RMDN2: variants seen among roughly 807,000 people sequenced by gnomAD.
RMDN2 encodes regulator of microtubule dynamics 2, also known as regulator of microtubule dynamics protein 2.
In RMDN2, 61 loss-of-function variants were observed where a neutral mutation model predicts 52.8. That is an observed-to-expected ratio of 1.16 (90% CI 0.94 to 1.43). RMDN2 has a LOEUF of 1.43. RMDN2 is among the 40% of genes most tolerant of loss of function. RMDN2 has a pLI of 0.00. For synonymous variants in RMDN2, 180 were observed against 153.1 expected (o/e 1.18, Z -1.30); for missense variants, 592 against 475.3 (o/e 1.25, Z -2.28).
At chr2:38,008,656 A>T (rs1677472186) in intron 10 of RMDN2, among the ~76,000 whole-genome samples, 1 of 152,126 alleles carries the variant, frequency 6.6e-6, no homozygotes, top group African/African-American at 2.4e-5. Flanking sequence ...TTGACTCTTT[A>T]TCCAATTGGC....
At chr2:37,937,412 GC>G (rs1207970814) in intron 2 of RMDN2, among the ~76,000 whole-genome samples, 6 of 152,104 alleles carry the variant, frequency 3.9e-5, no homozygotes, top group Admixed American at 6.5e-5. Context: ...ATTTAAAGTA[GC>G]TTTTTTCTAA....
chr2:38,003,604 G>GATAGATAGATAGGCAGACAGA (rs1306774545), intron 8 of RMDN2, among the ~76,000 whole-genome samples: 99 of 103,222 alleles, frequency 9.6e-4, no homozygotes, highest in Non-Finnish European at 1.3e-3. Context: ...AGATAGATAG[G>GATAGATAGATAGGCAGACAGA]CAGACAGACA....
chr2:38,029,315 A>C (rs1039709524), intron 10 of RMDN2: 2 of 151,950 alleles, frequency 1.3e-5, no homozygotes, highest in African/African-American at 4.8e-5. Flanking sequence ...CCCCATGCCC[A>C]CTCATGGAAA....
intron 8 of RMDN2, among the ~76,000 whole-genome samples, chr2:37,999,183 A>G (rs1333304328): frequency 6.6e-6 from 1 of 152,210 alleles, no homozygotes; most frequent in Non-Finnish European, 1.5e-5. Flanking sequence ...AATAATGCTG[A>G]GGTAAAGAAT....
chr2:38,044,784 T>C (rs1681171941), intron 10 of RMDN2, among the ~76,000 whole-genome samples: 1 of 152,146 alleles, frequency 6.6e-6, no homozygotes, highest in Non-Finnish European at 1.5e-5. Flanking sequence ...ATTACCCACC[T>C]ATTCTTGCAT....
intron 1 of RMDN2, among the ~76,000 whole-genome samples, 161 bp from the exon 2 acceptor site, chr2:37,929,101 G>A (rs770821121): frequency 2.0e-5 from 3 of 152,162 alleles, no homozygotes; most frequent in African/African-American, 7.2e-5. Context: ...TCTTACAACA[G>A]TATACTTCCA....
At chr2:37,938,505 C>T (rs1667505669) in intron 2 of RMDN2, among the ~76,000 whole-genome samples, 1 of 152,160 alleles carries the variant, frequency 6.6e-6, no homozygotes, top group South Asian at 2.1e-4. Context: ...TAGAATTCAG[C>T]TGTGAATCTG....
At chr2:37,970,699 C>T (rs1224707556) in intron 2 of RMDN2, among the ~76,000 whole-genome samples, 2 of 152,098 alleles carry the variant, frequency 1.3e-5, no homozygotes, top group Non-Finnish European at 2.9e-5. Context: ...GAGCAAGTTG[C>T]AGTAGATACA....
intron 2 of RMDN2, among the ~76,000 whole-genome samples, chr2:37,943,718 A>G (rs184804857): frequency 6.6e-6 from 1 of 152,282 alleles, no homozygotes; most frequent in East Asian, 1.9e-4. Flanking sequence ...TCTATTATAT[A>G]TGCATTTTTC....
Position 37,957,784 on chromosome 2 carries a change from T to A in RMDN2, c.453-16256T>A, listed in dbSNP as rs146362833. Reference sequence around the variant, plus strand: ...AGGGTTTTTATGGCTTTAGGTTTAATCATTTAAGTCTTTGATCCTTCTTGA... The same window carrying A: ...AGGGTTTTTATGGCTTTAGGTTTAAACATTTAAGTCTTTGATCCTTCTTGA... On this transcript the variant is annotated intron_variant, in intron 2 of 10. Transcript: ENST00000354545. Among the ~76,000 whole-genome samples, 561 of 152,196 alleles carry A rather than the reference T, an allele frequency of 3.7e-3. 4 individuals are homozygous for A. The highest frequency in any genetic ancestry group is 0.026 in the East Asian group (136 of 5,172).
chr2:37,956,825 C>G (rs994688941), intron 2 of RMDN2, among the ~76,000 whole-genome samples: 2 of 151,756 alleles, frequency 1.3e-5, no homozygotes, highest in African/African-American at 4.8e-5. Context: ...CCCCCAACAG[C>G]CCACAGTGTG....
intron 3 of RMDN2, among the ~76,000 whole-genome samples, 193 bp downstream of exon 3, chr2:37,974,407 A>T (rs1008687334): frequency 6.6e-6 from 1 of 151,922 alleles, no homozygotes; most frequent in African/African-American, 2.4e-5. Context: ...TAAAAAAGTA[A>T]ATGTAAAAGT....
At chr2:37,984,963 C>A (rs1271031155) in intron 5 of RMDN2, among the ~76,000 whole-genome samples, 3 of 151,936 alleles carry the variant, frequency 2.0e-5, no homozygotes, top group African/African-American at 7.2e-5. Context: ...GAGAAAGTGA[C>A]CAGGTAGCTT....
intron 10 of RMDN2, among the ~76,000 whole-genome samples, chr2:38,062,773 C>A (rs163082): frequency 0.22 from 24,813 of 115,308 alleles, 1,684 homozygotes; most frequent in Non-Finnish European, 0.27. Flanking sequence ...CCCCCTTCCC[C>A]CCCCCCACAA....
chr2:38,011,848 G>C (rs1383505819), intron 10 of RMDN2, among the ~76,000 whole-genome samples: 1 of 152,148 alleles, frequency 6.6e-6, no homozygotes, highest in South Asian at 2.1e-4. Context: ...GGAGCAAAAG[G>C]AATGTGCCCA....
intron 4 of RMDN2, among the ~76,000 whole-genome samples, chr2:37,979,219 G>A (rs560907261): frequency 8.2e-4 from 125 of 152,214 alleles, no homozygotes; most frequent in African/African-American, 3.0e-3. Context: ...GTGTGAAAAC[G>A]AAGGGTGGAG....
chr2:38,065,643 G>A (rs906351152), intron 10 of RMDN2, among the ~76,000 whole-genome samples: 1 of 152,194 alleles, frequency 6.6e-6, no homozygotes, highest in Non-Finnish European at 1.5e-5. Context: ...GAGACGGAAG[G>A]GTTCTGATGA....
chr2:38,013,879 G>C (rs907170532), intron 10 of RMDN2, among the ~76,000 whole-genome samples: 1 of 152,120 alleles, frequency 6.6e-6, no homozygotes, highest in Non-Finnish European at 1.5e-5. Flanking sequence ...TGTGCTATCC[G>C]TGCCTGGAGA....
chr2:37,924,622 C>T (rs887022611), upstream of RMDN2, among the ~76,000 whole-genome samples: 3 of 152,364 alleles, frequency 2.0e-5, no homozygotes, highest in African/African-American at 7.2e-5. Context: ...CTGCCTCAGC[C>T]TCCCAAAGTG....
Sources: gnomAD v4.1 joint callset for allele counts (sites outside exome capture counted in the v4.1 genomes callset) on GRCh38, gnomAD v4.1.1 for gene constraint, MANE v1.5 for transcripts, NCBI Gene and HGNC (gene_info 2026-07-23, HGNC 2026-07-21) for gene names.